MGA: variants seen among roughly 807,000 people sequenced by gnomAD.
MGA encodes MAX gene-associated protein.
Under a neutral mutation model 261.1 loss-of-function variants are expected in MGA, and 40 were observed. The ratio of observed to expected loss-of-function variants is 0.15; its 90% CI spans 0.12 to 0.20. The LOEUF is 0.20. MGA is among the 10% of genes least tolerant of loss of function. The pLI, the probability that MGA is intolerant of heterozygous loss-of-function variation, is 1.00. For synonymous variants in MGA, 1,302 were observed against 1,290.6 expected (o/e 1.01, Z -0.19); for missense variants, 3,397 against 3,630.5 (o/e 0.94, Z 1.65).
At chr15:41,672,008 A>G (rs999264884) in intron 2 of MGA, among the ~76,000 whole-genome samples, 1 of 152,220 alleles carries the variant, frequency 6.6e-6, no homozygotes, top group Admixed American at 6.5e-5. Context: ...ACATAATTAA[A>G]ATAAGATTTA....
At chr15:41,725,220 C>T (rs954612626) in intron 9 of MGA, among the ~76,000 whole-genome samples, 16 of 152,192 alleles carry the variant, frequency 1.1e-4, no homozygotes, top group African/African-American at 3.9e-4. Context: ...TGCCTGTAAT[C>T]CCAGTGACTC....
In MGA at chr15:41,713,131, A is replaced by C. The variant is rs554448482; in HGVS notation, c.3085-20A>C. 1.2e-6 allele frequency: 2 copies of C among 1,602,232 alleles called. No homozygotes were observed. The highest frequency in any genetic ancestry group is 2.2e-5 in the South Asian group (2 of 90,862). Reference sequence around the variant, plus strand: ...AGGGGGATGGTTTAGTGGAATTACAATTTTCTCCTTTGACTTTAGGCATCC... The same window carrying C: ...AGGGGGATGGTTTAGTGGAATTACACTTTTCTCCTTTGACTTTAGGCATCC... On this transcript the variant is annotated intron_variant, in intron 8 of 23. Coordinates refer to ENST00000219905, the MANE Select transcript of MGA (RefSeq NM_001164273.2).
At chr15:41,656,377 T>TTTCTCTCTCTCTCTCTCTCTCA, upstream of MGA, among the ~76,000 whole-genome samples, 1 of 68,322 alleles carries the variant, frequency 1.5e-5, no homozygotes, top group East Asian at 7.5e-4. Context: ...TCTCTCTCTC[T>TTTCTCTCTCTCTCTCTCTCTCA]CACACCCAGG....
chr15:41,722,684 A>G (rs1370801608), intron 9 of MGA, among the ~76,000 whole-genome samples: 2 of 152,204 alleles, frequency 1.3e-5, no homozygotes, highest in East Asian at 3.8e-4. Context: ...CATTATAAAG[A>G]GATCCAAAAT....
At chr15:41,700,003 C>T (rs952749115) in intron 5 of MGA, among the ~76,000 whole-genome samples, 78 of 141,032 alleles carry the variant, frequency 5.5e-4, no homozygotes, top group African/African-American at 2.0e-3. Flanking sequence ...TATACATGTG[C>T]TATGGTGGTT....
intron 1 of MGA, among the ~76,000 whole-genome samples, chr15:41,647,274 C>A (rs865817460): frequency 1.3e-5 from 2 of 152,220 alleles, no homozygotes; most frequent in Non-Finnish European, 2.9e-5. Context: ...CAGAGCCCCA[C>A]TTCTCTATGT....
At chr15:41,688,291 G>T (rs1428710094) in intron 2 of MGA, among the ~76,000 whole-genome samples, 1 of 152,086 alleles carries the variant, frequency 6.6e-6, no homozygotes, top group Non-Finnish European at 1.5e-5. Flanking sequence ...GCCCAGGCTG[G>T]TCTTGAACTC....
At chr15:41,627,435 A>G (rs150103867) in intron 1 of MGA, among the ~76,000 whole-genome samples, 1 of 152,280 alleles carries the variant, frequency 6.6e-6, no homozygotes, top group African/African-American at 2.4e-5. Context: ...GGTTTTCTGT[A>G]GCATGTTACT....
chr15:41,673,540 CTTTTTTT>C (rs777334913), intron 2 of MGA, among the ~76,000 whole-genome samples: 4 of 118,938 alleles, frequency 3.4e-5, no homozygotes, highest in East Asian at 2.5e-4. Flanking sequence ...TTCTTTCTTT[CTTTTTTT>C]TTTTTTTTTT....
At chr15:41,703,642 T>A (rs1221462060) in intron 5 of MGA, among the ~76,000 whole-genome samples, 2 of 152,034 alleles carry the variant, frequency 1.3e-5, no homozygotes, top group Non-Finnish European at 2.9e-5. Context: ...CTCTGGAGGC[T>A]GAGGCAGGAG....
intron 1 of MGA, among the ~76,000 whole-genome samples, chr15:41,635,275 A>C (rs1349812877): frequency 2.0e-5 from 3 of 152,174 alleles, no homozygotes; most frequent in African/African-American, 7.2e-5. Context: ...TGGAGGTCAC[A>C]GTGAGTCGAG....
chr15:41,668,238 G>A (rs1198119784), intron 1 of MGA, among the ~76,000 whole-genome samples: 4 of 151,810 alleles, frequency 2.6e-5, no homozygotes, highest in Admixed American at 2.6e-4. Context: ...ATTTATTTCA[G>A]TGTAAGGTCC....
intron 1 of MGA, among the ~76,000 whole-genome samples, chr15:41,661,443 G>A (rs2057394490): frequency 6.7e-6 from 1 of 150,010 alleles, no homozygotes. Flanking sequence ...GAGTGCAAAA[G>A]TGGTAGTGTC....
intron 1 of MGA, among the ~76,000 whole-genome samples, chr15:41,640,844 A>G (rs1044428353): frequency 3.9e-5 from 6 of 152,208 alleles, no homozygotes; most frequent in African/African-American, 1.2e-4. Context: ...GTTTTGAGAT[A>G]AAATTAATGT....
At chr15:41,730,172 G>A (rs1033840374) in intron 11 of MGA, among the ~76,000 whole-genome samples, 8 of 152,116 alleles carry the variant, frequency 5.3e-5, no homozygotes, top group African/African-American at 1.7e-4. Flanking sequence ...GGGATTACAG[G>A]CGTGAGCCAC....
Position 41,766,102 on chromosome 15 carries a change from G to C in MGA, c.8020G>C (p.Glu2674Gln), listed in dbSNP as rs1467280828. 1.2e-6 allele frequency: 2 copies of C among 1,614,012 alleles called. No homozygotes were observed. Among genetic ancestry groups the C allele is most frequent in the Non-Finnish European group, 1.7e-6 (2 of 1,179,880 alleles). Residue 2674 changes from glutamate (E) to glutamine (Q), a missense_variant, in exon 24 of 24, where the codon GAA becomes CAA. Around this residue, in one of 9 missense-constraint regions of MGA, gnomAD observed 647 missense variants for 642.4 expected, o/e 1.01. Transcript: ENST00000219905. Reference sequence around the variant, plus strand: ...TATGGGTGGCAGCAAATATCCTCATGAAGTTCCTGATAGCAAGCCATCTGA... The same window carrying C: ...TATGGGTGGCAGCAAATATCCTCATCAAGTTCCTGATAGCAAGCCATCTGA...
At chr15:41,706,070 C>T (rs1028662176) in intron 5 of MGA, among the ~76,000 whole-genome samples, 3 of 151,922 alleles carry the variant, frequency 2.0e-5, no homozygotes, top group Non-Finnish European at 2.9e-5. Flanking sequence ...AACCCCGTCT[C>T]TACTAAAAAT....
upstream of MGA, among the ~76,000 whole-genome samples, chr15:41,656,903 A>C (rs553313161): frequency 1.8e-4 from 27 of 152,194 alleles, no homozygotes; most frequent in East Asian, 5.2e-3. Flanking sequence ...CAGCCTCCTG[A>C]GTAGCTGGGA....
At position 41,713,474 on chromosome 15, in the gene MGA, G is replaced by T; in HGVS notation, c.3408G>T (p.Lys1136Asn). The T allele has an allele frequency of 6.5e-7, 1 of 1,547,716 alleles. No individual in the cohort carries two copies. Among genetic ancestry groups the T allele is most frequent in the East Asian group, 2.4e-5 (1 of 40,950 alleles). ...AGGAGGAACAATTGAAAGAGAAAAAGAAGAGAAAGAAGCTAGAATACAGTG... is the reference window on the plus strand; with the variant it reads ...AGGAGGAACAATTGAAAGAGAAAAATAAGAGAAAGAAGCTAGAATACAGTG... Residue 1136 changes from lysine to asparagine, a missense_variant, in exon 9 of 24, where the codon AAG (lysine) becomes AAT (asparagine). Lys to Asn is a moderately conservative substitution (Grantham distance 94, BLOSUM62 0). This residue lies in a region of MGA where 519 missense variants were observed against 554.1 expected (regional missense o/e 0.94). Transcript: ENST00000219905.
Sources: gnomAD v4.1 joint callset for allele counts (sites outside exome capture counted in the v4.1 genomes callset) on GRCh38, gnomAD v4.1.1 for gene constraint, gnomAD v4.1.1 regional missense constraint, MANE v1.5 for transcripts, NCBI Gene and HGNC (gene_info 2026-07-23, HGNC 2026-07-21) for gene names.